NBPF14: variants seen among roughly 807,000 people sequenced by gnomAD.
The protein encoded by NBPF14 is NBPF member 14.
Under a neutral mutation model 91.2 loss-of-function variants are expected in NBPF14, and 104 were observed. That is an observed-to-expected ratio of 1.14 (90% CI 0.97 to 1.34). NBPF14 has a LOEUF of 1.34. NBPF14 is among the 40% of genes most tolerant of loss of function. The pLI is 0.00. For missense variants in NBPF14, 908 were observed against 783.0 expected, an observed-to-expected ratio of 1.16 and a Z score of -1.91; for synonymous variants, 294 against 303.8, an observed-to-expected ratio of 0.97 and a Z score of 0.34.
chr1:148,566,380 G>C (rs1207396973), intron 28 of NBPF14, 65 bp from the exon 29 acceptor site: 6 of 733,522 alleles, frequency 8.2e-6, no homozygotes, highest in African/African-American at 1.8e-5. Context: ...GCCTCAACTA[G>C]GTTTCATGGG....
chr1:148,595,347 T>C lies in NBPF14; in HGVS notation c.175+196A>G, dbSNP rs1432905602. Among the ~76,000 whole-genome samples the C allele has an allele frequency of 5.8e-3, 865 of 148,424 alleles. 53 individuals carry two copies. Among genetic ancestry groups the C allele is most frequent in the African/African-American group, 0.021 (835 of 40,370 alleles). On this transcript the variant is annotated intron_variant, in intron 2 of 70. Coordinates refer to ENST00000619423, the Ensembl canonical transcript of NBPF14. ...TAACTCTAGTTCCACCCCCATCTGA[T>C]TGCAAACATGGAAAGTTGCTAAATA...
chr1:148,572,338 C>A lies in NBPF14; in HGVS notation c.2758+105G>T, dbSNP rs1659225340. The A allele has an allele frequency of 1.8e-5, 5 of 280,854 alleles. 1 individual carries two copies. The highest frequency in any genetic ancestry group is 3.0e-5 in the Non-Finnish European group (5 of 164,904). The allele number at this position is 280,854 out of a possible 1,614,324, so 17.4% of individuals were successfully genotyped here. A position where few individuals can be genotyped will look rare whatever the true frequency, so the allele number is the denominator to read the frequency against. On this transcript the variant is annotated intron_variant, in intron 21 of 70. Transcript: ENST00000619423. ...TATATGCGCCCATAGGTCCTGCCTG[C>A]GGCAATGACGTCTCTCGGGTCAGTA...
intron 7 of NBPF14, 101 bp from the exon 8 acceptor site, chr1:148,587,504 C>G (rs2149568976): frequency 1.7e-6 from 2 of 1,188,512 alleles, no homozygotes; most frequent in African/African-American, 1.5e-5. Flanking sequence ...GGACAAAACT[C>G]TCCCCAGTAC....
At chr1:148,535,228 C>A (rs1264973671) in intron 68 of NBPF14, among the ~76,000 whole-genome samples, 5 of 150,312 alleles carry the variant, frequency 3.3e-5, no homozygotes, top group Non-Finnish European at 5.9e-5. Context: ...ATACAGTTGC[C>A]ATACAGCCTT....
intron 6 of NBPF14, among the ~76,000 whole-genome samples, chr1:148,590,075 G>A (rs1347608677): frequency 8.4e-6 from 1 of 119,140 alleles, no homozygotes; most frequent in South Asian, 2.9e-4. Flanking sequence ...TTGAGATGGA[G>A]TCTCGCTCTG....
At chr1:148,592,481 TG>T (rs1662679231) in intron 4 of NBPF14, 70 bp downstream of exon 4, 1 of 1,071,334 alleles carries the variant, frequency 9.3e-7, no homozygotes, top group Admixed American at 1.8e-5. Context: ...ACTGTCATTG[TG>T]AAAGTATGGA....
chr1:148,588,605 G>A (rs1320788312), intron 7 of NBPF14, among the ~76,000 whole-genome samples: 3 of 152,236 alleles, frequency 2.0e-5, no homozygotes, highest in South Asian at 4.2e-4. Context: ...CCAAAGTGCT[G>A]GGATTACAGG....
chr1:148,560,555 A>T (rs1657682209), intron 36 of NBPF14, 29 bp downstream of exon 36: 1 of 170,928 alleles, frequency 5.9e-6, no homozygotes, highest in East Asian at 1.5e-4. Flanking sequence ...TTAACACAGA[A>T]TTAAGCATCC....
chr1:148,566,267 G>T, exon 29 of NBPF14: 3 of 653,920 alleles, frequency 4.6e-6, no homozygotes, highest in Non-Finnish European at 8.2e-6. Context: ...TATCCAGTGA[G>T]TCCTGCAAGA....
chr1:148,538,076 C>T, intron 64 of NBPF14, 70 bp from the exon 65 acceptor site: 1 of 80,046 alleles, frequency 1.2e-5, no homozygotes, highest in Non-Finnish European at 2.3e-5. Flanking sequence ...AACTAGGTTT[C>T]ATGGGTAGCA....
chr1:148,559,938 T>G, exon 37 of NBPF14: 1 of 1,388,928 alleles, frequency 7.2e-7, no homozygotes, highest in Non-Finnish European at 9.9e-7. Context: ...CTTCAGGCCC[T>G]TTCTCATGCA....
rs1663135457 is a variant in NBPF14, at chr1:148,595,301, A to G, written c.175+242T>C. ...AAACAGGTCATTCTGTGCCTGCGTT[A>G]GAAATCAATAACTGTGAGTTTAACT... On this transcript the variant is annotated intron_variant, in intron 2 of 70. Transcript: ENST00000619423. Among the ~76,000 whole-genome samples the G allele has an allele frequency of 2.0e-5, 3 of 148,320 alleles. 1 individual carries two copies. The highest frequency in any genetic ancestry group is 4.5e-5 in the Non-Finnish European group (3 of 66,636).
intron 14 of NBPF14, among the ~76,000 whole-genome samples, chr1:148,577,577 C>T (rs1464067265): frequency 2.7e-5 from 4 of 145,918 alleles, no homozygotes; most frequent in African/African-American, 5.2e-5. Flanking sequence ...CACACACACA[C>T]TCACACACAC....
chr1:148,579,097 A>T, exon 13 of NBPF14: 1 of 512,456 alleles, frequency 2.0e-6, no homozygotes, highest in East Asian at 3.0e-5. Context: ...AGCCATGCAG[A>T]CTTGCTGTTC....
intron 14 of NBPF14, 148 bp from the exon 15 acceptor site, chr1:148,577,503 G>A: frequency 1.4e-6 from 1 of 706,600 alleles, no homozygotes; most frequent in South Asian, 1.5e-5. Context: ...CCTTTATGTT[G>A]GGATAGACTA....
chr1:148,577,716 A>G lies in NBPF14; in HGVS notation c.1853+267T>C, dbSNP rs1287836655. On this transcript the variant is annotated intron_variant, in intron 14 of 70. Coordinates refer to ENST00000619423, the Ensembl canonical transcript of NBPF14. The stretch of plus-strand genomic sequence containing the variant: ...AAGCATGTCCTCAATAATTTTGCAT[A>G]AAATGTGCTCAAGTTTCCCGGCAGT... Among the ~76,000 whole-genome samples the G allele has an allele frequency of 1.4e-4, 20 of 144,658 alleles. 1 individual carries two copies. Among genetic ancestry groups the G allele is most frequent in the Middle Eastern group, 3.4e-3 (1 of 290 alleles). 94.9% of individuals were successfully genotyped at this position (144,658 alleles called of 152,430 possible).
exon 71 of NBPF14, chr1:148,532,089 G>A (rs1393621311): frequency 1.3e-5 from 2 of 152,174 alleles, no homozygotes; most frequent in African/African-American, 4.8e-5. Context: ...CTAAAGAAAT[G>A]CAGCTACATT....
At chr1:148,578,841 G>A (rs1403798206) in intron 13 of NBPF14, among the ~76,000 whole-genome samples, 1 of 149,824 alleles carries the variant, frequency 6.7e-6, no homozygotes, top group South Asian at 2.1e-4. Flanking sequence ...GTGACAGTCA[G>A]TCCAGGTTGG....
chr1:148,559,291 C>T (rs1657163959), intron 37 of NBPF14, among the ~76,000 whole-genome samples: 1 of 116,062 alleles, frequency 8.6e-6, no homozygotes, highest in Admixed American at 8.3e-5. Flanking sequence ...TCTGGTAGAT[C>T]GTTATCCCAA....
Sources: gnomAD v4.1 joint callset for allele counts (sites outside exome capture counted in the v4.1 genomes callset) on GRCh38, gnomAD v4.1.1 for gene constraint, MANE v1.5 for transcripts, NCBI Gene and HGNC (gene_info 2026-07-23, HGNC 2026-07-21) for gene names.